CAMTA1: variants seen among roughly 807,000 people sequenced by gnomAD.
The protein encoded by CAMTA1 is calmodulin-binding transcription activator 1.
Under a neutral mutation model 170.9 loss-of-function variants are expected in CAMTA1, and 27 were observed. The observed-to-expected ratio is 0.16, with a 90% CI of 0.12 to 0.22. CAMTA1 has a LOEUF of 0.22. CAMTA1 is among the 10% of genes least tolerant of loss of function. CAMTA1 has a pLI of 1.00. For missense variants in CAMTA1, 1,619 were observed against 2,217.2 expected (o/e 0.73, Z 5.42); for synonymous variants, 833 against 891.5 (o/e 0.93, Z 1.17).
rs555432250 is a variant in CAMTA1 at position 7,052,816 on chromosome 1, C to T, written c.235-38488C>T. On this transcript the variant is annotated intron_variant, in intron 3 of 22. Coordinates refer to ENST00000303635, the MANE Select transcript of CAMTA1 (RefSeq NM_015215.4). The stretch of plus-strand genomic sequence containing the variant: ...TCTGATTCTCCTCCGTGCTGTCCCT[C>T]GACCCTCCTCCGTGCTGTCAATCCA... 3.3e-4 allele frequency among the ~76,000 whole-genome samples: 50 copies of T among 152,300 alleles called. 1 individual carries two copies. Among genetic ancestry groups the T allele is most frequent in the Admixed American group, 3.3e-4 (5 of 15,294 alleles).
intron 5 of CAMTA1, among the ~76,000 whole-genome samples, chr1:7,336,417 C>A (rs2083387565): frequency 6.6e-6 from 1 of 152,218 alleles, no homozygotes; most frequent in Admixed American, 6.5e-5. Context: ...GGCGAATTGA[C>A]TTGGGGGTGA....
At position 7,454,154 on chromosome 1, in the gene CAMTA1, G is replaced by A. The variant is rs141259601; in HGVS notation, c.439-13676G>A. ...GGCTCTCGAGTCCTTGGAAGCTGCC[G>A]TTTATTTTAAAACAGCCCGGACTCC... On this transcript the variant is annotated intron_variant, in intron 5 of 22. Coordinates refer to ENST00000303635, the MANE Select transcript of CAMTA1 (RefSeq NM_015215.4). 1.4e-4 allele frequency among the ~76,000 whole-genome samples: 21 copies of A among 152,308 alleles called. No individual in the cohort carries two copies. The East Asian group carries it at 3.7e-3, about 27-fold the overall frequency.
intron 11 of CAMTA1, among the ~76,000 whole-genome samples, chr1:7,725,945 A>G (rs920954086): frequency 3.3e-5 from 5 of 152,076 alleles, no homozygotes; most frequent in Non-Finnish European, 7.4e-5. Flanking sequence ...AGCCAGGAAC[A>G]GGCGGGTGGG....
chr1:6,887,792 G>A lies in CAMTA1; in HGVS notation c.234+62582G>A. 2 of 1,523,974 alleles carry A rather than the reference G, an allele frequency of 1.3e-6. No individual in the cohort carries two copies. Among genetic ancestry groups the A allele is most frequent in the South Asian group, 1.2e-5 (1 of 82,312 alleles). The allele number at this position is 1,523,974 out of a possible 1,614,324, so 94.4% of individuals were successfully genotyped here. A position where few individuals can be genotyped will look rare whatever the true frequency, so the allele number is the denominator to read the frequency against. ...TCCCATCCTGCCAGCCCCATGTCTG[G>A]CTTTAAGACAGTTCTATTAGTGAAT... On this transcript the variant is annotated intron_variant, in intron 3 of 22. Coordinates refer to ENST00000303635, the MANE Select transcript of CAMTA1 (RefSeq NM_015215.4). This position sits in a 1 kb window ranked among gnomAD's most constrained non-coding sequence, Gnocchi z 4.1.
At chr1:7,266,584 G>A (rs1417768216) in intron 5 of CAMTA1, among the ~76,000 whole-genome samples, 3 of 152,210 alleles carry the variant, frequency 2.0e-5, no homozygotes, top group Non-Finnish European at 4.4e-5. Flanking sequence ...TTGTGGGAGC[G>A]GGGAAGAAAC....
chr1:6,900,601 C>T (rs1676721833), intron 3 of CAMTA1, among the ~76,000 whole-genome samples: 1 of 151,866 alleles, frequency 6.6e-6, no homozygotes, highest in Non-Finnish European at 1.5e-5. Flanking sequence ...TTCAGCAAGA[C>T]AACAAGATAC....
intron 3 of CAMTA1, among the ~76,000 whole-genome samples, chr1:7,059,557 C>T (rs1415655811): frequency 6.6e-6 from 1 of 152,098 alleles, no homozygotes; most frequent in African/African-American, 2.4e-5. Flanking sequence ...GAGGTCGAGG[C>T]TGCAGTGAAC....
At chr1:6,813,499 C>T (rs1570346490) in intron 1 of CAMTA1, among the ~76,000 whole-genome samples, 2 of 147,996 alleles carry the variant, frequency 1.4e-5, no homozygotes, top group African/African-American at 5.0e-5. Context: ...TTTTTTTAAG[C>T]AGGTTTAAAG....
chr1:7,696,439 C>T (rs1455365107), intron 11 of CAMTA1, among the ~76,000 whole-genome samples: 1 of 151,846 alleles, frequency 6.6e-6, no homozygotes, highest in Admixed American at 6.6e-5. Flanking sequence ...CGTGATCCTC[C>T]CTCCTCAGCC....
chr1:7,447,069 G>A (rs1310109355), intron 5 of CAMTA1, among the ~76,000 whole-genome samples: 6 of 152,042 alleles, frequency 3.9e-5, no homozygotes, highest in African/African-American at 1.2e-4. Context: ...TGGAGGATGC[G>A]GCTCCCACTG....
intron 3 of CAMTA1, among the ~76,000 whole-genome samples, chr1:6,995,295 CTTTTTTTTTTTTTT>C (rs765139922): frequency 1.8e-4 from 11 of 60,624 alleles, no homozygotes; most frequent in Non-Finnish European, 2.6e-4. Flanking sequence ...TTTTTCTTTT[CTTTTTTTTTTTTTT>C]TTTTTTTTTT....
intron 4 of CAMTA1, among the ~76,000 whole-genome samples, chr1:7,152,860 G>A (rs1646657395): frequency 6.6e-6 from 1 of 152,198 alleles, no homozygotes; most frequent in Non-Finnish European, 1.5e-5. Context: ...TTTCACAGAT[G>A]TTCCAGGCCG....
intron 3 of CAMTA1, among the ~76,000 whole-genome samples, chr1:6,998,255 T>A (rs1282879097): frequency 6.6e-6 from 1 of 152,026 alleles, no homozygotes; most frequent in African/African-American, 2.4e-5. Flanking sequence ...TTTTTTTTTG[T>A]ATTTTTAGTA....
chr1:7,061,763 T>C (rs1339051950), intron 3 of CAMTA1, among the ~76,000 whole-genome samples: 1 of 147,314 alleles, frequency 6.8e-6, no homozygotes. Context: ...AGAGAGAGGC[T>C]GGAGTAGGGG....
intron 1 of CAMTA1, among the ~76,000 whole-genome samples, chr1:6,792,799 C>T (rs1038033508): frequency 6.6e-6 from 1 of 152,102 alleles, no homozygotes; most frequent in African/African-American, 2.4e-5. Flanking sequence ...CATATCCTTT[C>T]CTGAGACTGT....
Position 6,957,302 on chromosome 1 carries a change from C to T in CAMTA1, c.234+132092C>T, listed in dbSNP as rs147488319. ...CTGCCTCCAGGTCAGCTCTTAGCAG[C>T]GTATTCACTTTCTGTGGCTGCTATC... On this transcript the variant is annotated intron_variant, in intron 3 of 22. Transcript: ENST00000303635. Among the ~76,000 whole-genome samples, 1,012 of 152,268 alleles carry T rather than the reference C, an allele frequency of 6.6e-3. 8 individuals are homozygous for T. The highest frequency in any genetic ancestry group is 0.011 in the Non-Finnish European group (765 of 68,010).
At chr1:7,233,162 T>C (rs2149216085) in intron 4 of CAMTA1, among the ~76,000 whole-genome samples, 1 of 152,314 alleles carries the variant, frequency 6.6e-6, no homozygotes. Context: ...TCCTTCCTGC[T>C]AGGAGATGAC....
At chr1:7,103,962 TACAC>T (rs1427065327) in intron 4 of CAMTA1, among the ~76,000 whole-genome samples, 1 of 141,194 alleles carries the variant, frequency 7.1e-6, no homozygotes, top group South Asian at 2.3e-4. Context: ...TACATACAAC[TACAC>T]ACACGCACAC....
At chr1:7,740,620 T>C (rs1463114832) in intron 16 of CAMTA1, among the ~76,000 whole-genome samples, 1 of 152,234 alleles carries the variant, frequency 6.6e-6, no homozygotes, top group East Asian at 1.9e-4. Context: ...TGGGAGACAC[T>C]TGGTGCCACA....
Sources: gnomAD v4.1 joint callset for allele counts (sites outside exome capture counted in the v4.1 genomes callset) on GRCh38, gnomAD v4.1.1 for gene constraint, Gnocchi (gnomAD v3.1) non-coding constraint, MANE v1.5 for transcripts, NCBI Gene and HGNC (gene_info 2026-07-23, HGNC 2026-07-21) for gene names.